Variants in MGAM observed in about 807,000 individuals in gnomAD.
MGAM encodes maltase-glucoamylase.
In MGAM, 253 loss-of-function variants were observed where a neutral mutation model predicts 358.8. The ratio of observed to expected loss-of-function variants is 0.71; its 90% CI spans 0.64 to 0.78. The LOEUF (loss-of-function observed/expected upper bound fraction) is 0.78. Among genes scored for constraint, MGAM ranks in the 30% least tolerant of loss-of-function variants. The probability of loss-of-function intolerance (pLI) is 0.00; values close to 1 mark genes in which losing one functional copy is unlikely to be tolerated. For missense variants in MGAM, 3,080 were observed against 3,432.6 expected, an observed-to-expected ratio of 0.90 and a Z score of 2.57; for synonymous variants, 1,105 against 1,227.1, an observed-to-expected ratio of 0.90 and a Z score of 2.08.
intron 22 of MGAM, 53 bp downstream of exon 22, chr7:142,047,926 T>C (rs1225444537): frequency 4.4e-6 from 6 of 1,355,088 alleles, no homozygotes; most frequent in South Asian, 2.4e-5. Flanking sequence ...CTGTGACTTA[T>C]GGTCCTTCAC....
chr7:142,087,138 GT>G (rs1216749382), intron 57 of MGAM, among the ~76,000 whole-genome samples: 2 of 144,080 alleles, frequency 1.4e-5, no homozygotes, highest in African/African-American at 4.9e-5. Flanking sequence ...CTCAAAGACT[GT>G]TTAGGTCTTT....
Position 142,070,230 on chromosome 7 carries a change from T to A in MGAM, c.5062-764T>A, listed in dbSNP as rs1370568265. 5.5e-5 allele frequency among the ~76,000 whole-genome samples: 8 copies of A among 144,382 alleles called. 1 individual carries two copies. The East Asian group carries it at 1.4e-3, about 26-fold the overall frequency. The allele number at this position is 144,382 out of a possible 152,430, so 94.7% of individuals were successfully genotyped here. ...AAAAAGAAAGAGATGAAATTTTTAA[T>A]GTTTAATTAAAATGAAGATGAATCT... On this transcript the variant is annotated intron_variant, in intron 43 of 70. Coordinates refer to ENST00000475668, the MANE Select transcript of MGAM (RefSeq NM_001365693.1).
At chr7:142,044,374 A>G (rs1809681142) in intron 21 of MGAM, among the ~76,000 whole-genome samples, 1 of 129,302 alleles carries the variant, frequency 7.7e-6, no homozygotes, top group African/African-American at 2.6e-5. Flanking sequence ...ATGATATATA[A>G]TGAATATTAT....
chr7:142,045,245 A>T (rs1241095300), intron 21 of MGAM, among the ~76,000 whole-genome samples: 5,581 of 73,466 alleles, frequency 0.076, 816 homozygotes, highest in African/African-American at 0.26. Flanking sequence ...ATATCATATA[A>T]TATATGATAT....
chr7:142,065,237 C>T, intron 37 of MGAM, 98 bp from the exon 38 acceptor site: 1 of 1,500,014 alleles, frequency 6.7e-7, no homozygotes, highest in Non-Finnish European at 9.0e-7. Flanking sequence ...AGTCACGCAG[C>T]AAACATTGAC....
upstream of MGAM, among the ~76,000 whole-genome samples, chr7:141,993,109 T>C (rs1264528280): frequency 6.6e-6 from 1 of 152,228 alleles, no homozygotes; most frequent in Non-Finnish European, 1.5e-5. Context: ...ATGTCTACTG[T>C]GAAACGACTG....
At chr7:142,063,986 A>G (rs937408960) in intron 36 of MGAM, among the ~76,000 whole-genome samples, 2 of 152,166 alleles carry the variant, frequency 1.3e-5, no homozygotes, top group African/African-American at 4.8e-5. Context: ...GGCTCCAGAA[A>G]TTGTTCTCTC....
At chr7:141,993,608 T>G (rs1563093013), upstream of MGAM, among the ~76,000 whole-genome samples, 2 of 152,096 alleles carry the variant, frequency 1.3e-5, no homozygotes, top group African/African-American at 4.8e-5. Flanking sequence ...TAACCTGGGG[T>G]TTGTAGATAT....
Position 142,082,252 on chromosome 7 carries a change from C to T in MGAM, c.6171+42C>T, listed in dbSNP as rs777732497. The T allele has an allele frequency of 2.7e-5, 41 of 1,531,732 alleles. 4 individuals carry two copies. The African/African-American group carries it at 3.9e-4, about 15-fold the overall frequency. The allele number at this position is 1,531,732 out of a possible 1,614,324, so 94.9% of individuals were successfully genotyped here. A position where few individuals can be genotyped will look rare whatever the true frequency, so the allele number is the denominator to read the frequency against. On this transcript the variant is annotated intron_variant, in intron 51 of 70. Transcript: ENST00000475668. ...TGAGATCTGTGTCTCTGCTTCTCTCCACCCACACTGCTCAGGCTTTGGGCT... is the reference window on the plus strand; with the variant it reads ...TGAGATCTGTGTCTCTGCTTCTCTCTACCCACACTGCTCAGGCTTTGGGCT...
chr7:142,041,991 T>A (rs1381585458), intron 21 of MGAM, among the ~76,000 whole-genome samples: 1 of 13,626 alleles, frequency 7.3e-5, no homozygotes, highest in African/African-American at 2.7e-4. Context: ...TAATATAATA[T>A]ATATATATTA....
chr7:142,050,584 G>A (rs1810848522), intron 23 of MGAM, 113 bp from the exon 24 acceptor site: 1 of 1,104,364 alleles, frequency 9.1e-7, no homozygotes, highest in Non-Finnish European at 1.3e-6. Flanking sequence ...AGAAAGCAGA[G>A]AGGCATTTAT....
intron 21 of MGAM, 87 bp from the exon 22 acceptor site, chr7:142,047,698 A>G: frequency 7.7e-7 from 1 of 1,292,400 alleles, no homozygotes; most frequent in Non-Finnish European, 1.1e-6. Context: ...TAACTTTTCC[A>G]ATTTGAAATT....
At chr7:142,035,619 G>A (rs904636174) in intron 16 of MGAM, among the ~76,000 whole-genome samples, 12 of 152,158 alleles carry the variant, frequency 7.9e-5, no homozygotes, top group African/African-American at 2.9e-4. Context: ...AAATAAAAAT[G>A]AGCACAAACA....
chr7:142,056,228 T>C, intron 29 of MGAM, 132 bp downstream of exon 29: 1 of 804,246 alleles, frequency 1.2e-6, no homozygotes, highest in Non-Finnish European at 2.0e-6. Flanking sequence ...TATTTTTTCT[T>C]TGTGTTTAGC....
intron 31 of MGAM, among the ~76,000 whole-genome samples, chr7:142,059,138 C>G (rs892110774): frequency 6.6e-6 from 1 of 152,172 alleles, no homozygotes; most frequent in Non-Finnish European, 1.5e-5. Flanking sequence ...CAGGGGCAGC[C>G]TCTTGGGGTA....
chr7:142,102,696 T>C lies in MGAM; in HGVS notation c.8013+17T>C. ...GCCAGCCAGGTGAGTGTGATTGATA[T>C]GAAGTGAGAATAGGGTTCCACTGGC... On this transcript the variant is annotated intron_variant, in intron 69 of 70. Coordinates refer to ENST00000475668, the MANE Select transcript of MGAM (RefSeq NM_001365693.1). 5.0e-6 allele frequency: 8 copies of C among 1,611,336 alleles called. No individual in the cohort carries two copies. The highest frequency in any genetic ancestry group is 5.1e-6 in the Non-Finnish European group (6 of 1,178,046).
At chr7:142,025,866 C>G (rs1425325866) in intron 8 of MGAM, among the ~76,000 whole-genome samples, 8 of 152,108 alleles carry the variant, frequency 5.3e-5, no homozygotes, top group Non-Finnish European at 1.0e-4. Context: ...TCTAGGACAT[C>G]TAAGAGATGA....
intron 16 of MGAM, 66 bp from the exon 17 acceptor site, chr7:142,036,103 G>A (rs1461232752): frequency 8.3e-6 from 10 of 1,201,446 alleles, no homozygotes; most frequent in Non-Finnish European, 1.2e-5. Context: ...GGAGGTCCCT[G>A]GTGGAAAGCA....
In MGAM at chr7:142,025,049, G is replaced by A; in HGVS notation, c.883-1G>A. 6.2e-7 allele frequency: 1 copy of A among 1,612,244 alleles called. No individual in the cohort carries two copies. Among genetic ancestry groups the A allele is most frequent in the Non-Finnish European group, 8.5e-7 (1 of 1,178,488 alleles). On this transcript the variant is annotated splice_acceptor_variant, in intron 7 of 70. Coordinates refer to ENST00000475668, the MANE Select transcript of MGAM (RefSeq NM_001365693.1). LOFTEE classifies it high-confidence loss of function. ...TTTGGTTTTTAATTCTCTTTCTGCA[G>A]AACGGAACTAATTTGTATGGTGCGC...
Sources: gnomAD v4.1 joint callset for allele counts (sites outside exome capture counted in the v4.1 genomes callset) on GRCh38, gnomAD v4.1.1 for gene constraint, MANE v1.5 for transcripts, NCBI Gene and HGNC (gene_info 2026-07-23, HGNC 2026-07-21) for gene names.